Variants in NFIA observed in about 807,000 individuals in gnomAD.
NFIA encodes the protein nuclear factor I A, also known as nuclear factor 1 A-type.
In NFIA, 8 loss-of-function variants were observed where a neutral mutation model predicts 62.8. The ratio of observed to expected loss-of-function variants is 0.13; its 90% CI spans 0.07 to 0.23. NFIA has a LOEUF of 0.23. Among genes scored for constraint, NFIA ranks in the 10% least tolerant of loss-of-function variants. NFIA has a pLI of 1.00. For missense variants in NFIA, 410 were observed against 642.1 expected (o/e 0.64, Z 3.91); for synonymous variants, 235 against 238.1 (o/e 0.99, Z 0.12).
chr1:61,333,047 G>GCACACACACACACACACACATACA (rs981705387), intron 4 of NFIA, among the ~76,000 whole-genome samples: 4 of 144,688 alleles, frequency 2.8e-5, no homozygotes, highest in African/African-American at 7.6e-5. Flanking sequence ...TAGCATGCAC[G>GCACACACACACACACACACATACA]CACACACACA....
At chr1:61,336,052 A>G (rs1399623514) in intron 4 of NFIA, among the ~76,000 whole-genome samples, 1 of 152,100 alleles carries the variant, frequency 6.6e-6, no homozygotes, top group African/African-American at 2.4e-5. Flanking sequence ...CTTTTTATAG[A>G]TGGAGTCTGT....
At chr1:61,192,123 T>A (rs1468432712) in intron 2 of NFIA, among the ~76,000 whole-genome samples, 1 of 152,070 alleles carries the variant, frequency 6.6e-6, no homozygotes, top group Non-Finnish European at 1.5e-5. Flanking sequence ...CACACCTGGC[T>A]AATTTTTTGT....
chr1:61,260,867 C>A (rs545341910), intron 2 of NFIA, among the ~76,000 whole-genome samples: 3 of 152,244 alleles, frequency 2.0e-5, no homozygotes, highest in South Asian at 2.1e-4. Context: ...GGCGTGAGCC[C>A]CTGCGCCCGG....
chr1:61,350,684 C>T (rs1406259601), intron 4 of NFIA, among the ~76,000 whole-genome samples: 1 of 152,176 alleles, frequency 6.6e-6, no homozygotes, highest in African/African-American at 2.4e-5. Context: ...CATAACCTCA[C>T]CTTAACCATC....
At chr1:61,362,301 G>C (rs1663340571) in intron 6 of NFIA, among the ~76,000 whole-genome samples, 1 of 152,122 alleles carries the variant, frequency 6.6e-6, no homozygotes, top group African/African-American at 2.4e-5. Context: ...TATGTTGGGA[G>C]TTATGTATAT....
chr1:61,124,738 T>G (rs913872886), intron 2 of NFIA: 1 of 152,212 alleles, frequency 6.6e-6, no homozygotes, highest in African/African-American at 2.4e-5. Flanking sequence ...GCAATTTTTT[T>G]CTTTATAATT....
intron 10 of NFIA, among the ~76,000 whole-genome samples, chr1:61,448,921 G>T (rs529306729): frequency 2.6e-5 from 4 of 152,340 alleles, no homozygotes; most frequent in African/African-American, 9.6e-5. Flanking sequence ...ATTGGATTGT[G>T]TATGCACTCT....
intron 2 of NFIA, among the ~76,000 whole-genome samples, chr1:61,139,932 AG>A (rs1025262546): frequency 2.2e-4 from 33 of 151,524 alleles, no homozygotes; most frequent in African/African-American, 7.3e-4. Context: ...TCAAATTAGC[AG>A]GATGTTTTGA....
At chr1:61,105,354 T>C (rs1196868112) in intron 2 of NFIA, among the ~76,000 whole-genome samples, 1 of 152,046 alleles carries the variant, frequency 6.6e-6, no homozygotes, top group East Asian at 1.9e-4. Context: ...ACAATATGTG[T>C]AATATTTAGA....
intron 2 of NFIA, among the ~76,000 whole-genome samples, chr1:61,194,412 G>GTA (rs1223092753): frequency 2.6e-5 from 4 of 152,108 alleles, no homozygotes; most frequent in Admixed American, 2.0e-4. Context: ...GAAGACATCA[G>GTA]TAGTGCAAGC....
intron 6 of NFIA, among the ~76,000 whole-genome samples, chr1:61,373,496 G>A (rs1356485859): frequency 6.6e-6 from 1 of 152,030 alleles, no homozygotes; most frequent in African/African-American, 2.4e-5. Flanking sequence ...TCCAGCACAG[G>A]CGTATCCCAA....
At chr1:61,219,231 CAA>C (rs36000081) in intron 2 of NFIA, among the ~76,000 whole-genome samples, 3 of 135,256 alleles carry the variant, frequency 2.2e-5, no homozygotes, top group Non-Finnish European at 4.8e-5. Flanking sequence ...AACTCAGTCT[CAA>C]AAAAAAAAAA....
chr1:61,158,897 G>A (rs1319343178), intron 2 of NFIA, among the ~76,000 whole-genome samples: 3 of 152,164 alleles, frequency 2.0e-5, no homozygotes, highest in Non-Finnish European at 4.4e-5. Context: ...CAGCTGTTTT[G>A]TGCTTTACTG....
chr1:61,372,576 T>TA (rs71244589), intron 6 of NFIA, among the ~76,000 whole-genome samples: 16,398 of 139,796 alleles, frequency 0.12, 1,107 homozygotes, highest in East Asian at 0.32. Flanking sequence ...TCATTGTTGT[T>TA]AAAAAAAAAA....
chr1:61,207,704 A>G (rs1652986003), intron 2 of NFIA, among the ~76,000 whole-genome samples: 1 of 152,166 alleles, frequency 6.6e-6, no homozygotes. Context: ...CCAACAGCAA[A>G]GCGATTCATG....
In NFIA at chr1:61,139,502, G is replaced by A. The variant is rs553410369; in HGVS notation, c.559+50822G>A. ...AGGGATTTCTGGGCATCTATTTTGC[G>A]GATCAGAAAGTAGAGAAAGAAGGTA... On this transcript the variant is annotated intron_variant, in intron 2 of 10. Transcript: ENST00000403491. Among the ~76,000 whole-genome samples, 9 of 152,244 alleles carry A rather than the reference G, an allele frequency of 5.9e-5. No homozygotes were observed. In the East Asian group the frequency reaches 1.7e-3, roughly 29 times the overall value.
chr1:61,430,524 C>T (rs1053588565), intron 10 of NFIA, among the ~76,000 whole-genome samples: 10 of 152,170 alleles, frequency 6.6e-5, no homozygotes, highest in African/African-American at 2.2e-4. Context: ...ATATTATGGC[C>T]TTCTTTCCAT....
intron 6 of NFIA, among the ~76,000 whole-genome samples, chr1:61,366,252 C>CTAA (rs1056032080): frequency 1.3e-4 from 20 of 152,064 alleles, no homozygotes; most frequent in African/African-American, 4.8e-4. Context: ...ACCGCATCTG[C>CTAA]ATTAAGTACA....
intron 6 of NFIA, among the ~76,000 whole-genome samples, chr1:61,379,466 A>G (rs1336795912): frequency 7.5e-6 from 1 of 133,584 alleles, no homozygotes; most frequent in African/African-American, 2.9e-5. Flanking sequence ...GGAGTGCAGT[A>G]GCATGATCTG....
Sources: gnomAD v4.1 joint callset for allele counts (sites outside exome capture counted in the v4.1 genomes callset) on GRCh38, gnomAD v4.1.1 for gene constraint, MANE v1.5 for transcripts, NCBI Gene and HGNC (gene_info 2026-07-23, HGNC 2026-07-21) for gene names.